FGGY: variants seen among roughly 807,000 people sequenced by gnomAD.
FGGY encodes the protein FGGY carbohydrate kinase domain containing.
A neutral mutation model predicts 71.3 loss-of-function variants in FGGY; 72 were observed. The observed-to-expected ratio is 1.01, with a 90% CI of 0.84 to 1.23. The LOEUF (loss-of-function observed/expected upper bound fraction) is 1.23, where lower values mean the gene tolerates loss of function less well. FGGY is among the 50% of genes most tolerant of loss of function. The pLI, the probability that FGGY is intolerant of heterozygous loss-of-function variation, is 0.00. For missense variants in FGGY, 668 were observed against 682.3 expected, an observed-to-expected ratio of 0.98 and a Z score of 0.23; for synonymous variants, 251 against 250.3, an observed-to-expected ratio of 1.00 and a Z score of -0.02.
chr1:59,743,100 A>G (rs1331211524), intron 14 of FGGY, among the ~76,000 whole-genome samples: 2 of 152,168 alleles, frequency 1.3e-5, no homozygotes, highest in African/African-American at 2.4e-5. Context: ...GCCTTCATCT[A>G]TAGCTTCATC....
chr1:59,488,660 ACT>A (rs147561352), intron 6 of FGGY, among the ~76,000 whole-genome samples: 4,299 of 151,356 alleles, frequency 0.028, 195 homozygotes, highest in African/African-American at 0.099. Context: ...TGTTGTTAAA[ACT>A]CTTCAAATAT....
At position 59,669,540 on chromosome 1, in the gene FGGY, C is replaced by CTTTTTTTTTTTTT. The variant is rs58004594; in HGVS notation, c.1417+2150_1417+2162dup. 1.0e-3 allele frequency among the ~76,000 whole-genome samples: 102 copies of CTTTTTTTTTTTTT among 102,478 alleles called. 1 individual carries two copies. Among genetic ancestry groups the CTTTTTTTTTTTTT allele is most frequent in the East Asian group, 1.3e-3 (4 of 3,046 alleles). 67.2% of individuals were successfully genotyped at this position (102,478 alleles called of 152,430 possible). On this transcript the variant is annotated intron_variant, in intron 13 of 15. Coordinates refer to ENST00000303721, the MANE Select transcript of FGGY (RefSeq NM_018291.5). ...CTGTGACATTCCAATTTCTAGACTT[C>CTTTTTTTTTTTTT]TTTTTTTTTTTTTTTTTTTTTTTTT... is the stretch of plus-strand genomic sequence containing the variant.
chr1:59,637,720 A>T (rs1043703152), intron 10 of FGGY, among the ~76,000 whole-genome samples: 2 of 152,158 alleles, frequency 1.3e-5, no homozygotes, highest in African/African-American at 4.8e-5. Context: ...ACTTAGCAAA[A>T]TCCTATCCTG....
In FGGY at chr1:59,523,437, C is replaced by T. The variant is rs1285937369; in HGVS notation, c.799+10998C>T. Among the ~76,000 whole-genome samples the T allele has an allele frequency of 5.3e-5, 8 of 152,222 alleles. No individual in the cohort carries two copies. The South Asian group carries it at 1.4e-3, about 28-fold the overall frequency. On this transcript the variant is annotated intron_variant, in intron 7 of 15. Coordinates refer to ENST00000303721, the MANE Select transcript of FGGY (RefSeq NM_018291.5). ...TGCTGGCTTCTTCCTTATTATCTCT[C>T]CACAGGCCTGGTTCATTTCCTTGTT...
At chr1:59,335,746 C>A (rs1350790001) in intron 2 of FGGY, among the ~76,000 whole-genome samples, 1 of 152,222 alleles carries the variant, frequency 6.6e-6, no homozygotes, top group East Asian at 1.9e-4. Flanking sequence ...TTTTAATTTG[C>A]ATTTCCTTAG....
intron 5 of FGGY, among the ~76,000 whole-genome samples, chr1:59,393,788 C>T (rs559805618): frequency 1.3e-5 from 2 of 152,180 alleles, no homozygotes; most frequent in East Asian, 3.9e-4. Context: ...AAAGAGGCTT[C>T]GAAGTGCTTT....
At chr1:59,673,945 G>C (rs2097407022) in intron 13 of FGGY, 94 bp from the exon 14 acceptor site, 1 of 970,302 alleles carries the variant, frequency 1.0e-6, no homozygotes, top group South Asian at 1.4e-5. Context: ...CTGCTGCCCT[G>C]ATGTCAGGTG....
At chr1:59,337,069 G>GTATATAGTTATATAT (rs2049745611) in intron 2 of FGGY, among the ~76,000 whole-genome samples, 1 of 136,726 alleles carries the variant, frequency 7.3e-6, no homozygotes, top group African/African-American at 3.1e-5. Context: ...ATATATATAT[G>GTATATAGTTATATAT]AAAGAAAGTT....
chr1:59,467,445 T>A (rs1007931046), intron 6 of FGGY, among the ~76,000 whole-genome samples: 5 of 152,102 alleles, frequency 3.3e-5, no homozygotes, highest in Non-Finnish European at 7.4e-5. Context: ...TATGTATACA[T>A]ATGTAACAAA....
chr1:59,664,506 C>T (rs1381161848), intron 12 of FGGY, among the ~76,000 whole-genome samples: 1 of 152,222 alleles, frequency 6.6e-6, no homozygotes, highest in African/African-American at 2.4e-5. Context: ...GCCTGCTAAT[C>T]GCAAGCCCCT....
chr1:59,593,594 A>C (rs528929184), intron 8 of FGGY, among the ~76,000 whole-genome samples: 1 of 152,344 alleles, frequency 6.6e-6, no homozygotes, highest in South Asian at 2.1e-4. Flanking sequence ...ATGCCAATCC[A>C]GCATTTGTGA....
intron 7 of FGGY, among the ~76,000 whole-genome samples, chr1:59,536,906 A>T (rs1299171482): frequency 1.1e-4 from 17 of 152,056 alleles, no homozygotes; most frequent in Non-Finnish European, 2.2e-4. Context: ...AATGGGCAAA[A>T]ACTGGAAGCA....
chr1:59,554,537 C>G (rs895314197), intron 8 of FGGY, among the ~76,000 whole-genome samples: 1 of 152,122 alleles, frequency 6.6e-6, no homozygotes, highest in Admixed American at 6.5e-5. Context: ...TCTAGCTCCC[C>G]CAGACTGATC....
At chr1:59,340,107 A>G in intron 3 of FGGY, 38 bp downstream of exon 3, 1 of 1,465,792 alleles carries the variant, frequency 6.8e-7, no homozygotes. Flanking sequence ...GTGGTGGGAT[A>G]CTTGGCTGAT....
At chr1:59,478,656 CAT>C (rs2093358693) in intron 6 of FGGY, among the ~76,000 whole-genome samples, 1 of 151,132 alleles carries the variant, frequency 6.6e-6, no homozygotes, top group East Asian at 2.0e-4. Flanking sequence ...CAAATAAAAA[CAT>C]AGAGTAGACA....
chr1:59,731,157 C>G (rs1442294398), intron 14 of FGGY, among the ~76,000 whole-genome samples: 2 of 152,192 alleles, frequency 1.3e-5, no homozygotes, highest in Admixed American at 1.3e-4. Context: ...TGAATTTGCT[C>G]TATTGTTGTT....
intron 2 of FGGY, among the ~76,000 whole-genome samples, chr1:59,322,137 C>G (rs140929182): frequency 6.6e-6 from 1 of 152,042 alleles, no homozygotes; most frequent in Non-Finnish European, 1.5e-5. Flanking sequence ...TCACATGACC[C>G]TATAAAGGTA....
chr1:59,474,729 C>A (rs777232264), intron 6 of FGGY, among the ~76,000 whole-genome samples: 1 of 152,112 alleles, frequency 6.6e-6, no homozygotes, highest in Non-Finnish European at 1.5e-5. Flanking sequence ...CTGATCAAGC[C>A]CTTAAGTGAC....
chr1:59,437,527 C>G (rs1314656765), intron 5 of FGGY, among the ~76,000 whole-genome samples: 1 of 151,960 alleles, frequency 6.6e-6, no homozygotes, highest in Non-Finnish European at 1.5e-5. Context: ...TGCCTTGATC[C>G]TGCTTTCAAA....
Sources: allele counts gnomAD v4.1 joint callset (sites outside exome capture counted in the v4.1 genomes callset), GRCh38; gene constraint gnomAD v4.1.1; transcripts MANE v1.5; gene names NCBI Gene and HGNC (gene_info 2026-07-23, HGNC 2026-07-21).